The following TASP1 variants were observed in gnomAD, a reference collection of about 807,000 sequenced individuals.
TASP1 encodes threonine aspartase 1.
A neutral mutation model predicts 56.6 loss-of-function variants in TASP1; 16 were observed. The ratio of observed to expected loss-of-function variants is 0.28; its 90% CI spans 0.19 to 0.43. TASP1 has a LOEUF of 0.43. Among genes scored for constraint, TASP1 ranks in the 20% least tolerant of loss-of-function variants. The pLI is 1.00. For missense variants in TASP1, 393 were observed against 511.6 expected (o/e 0.77, Z 2.24); for synonymous variants, 179 against 184.2 (o/e 0.97, Z 0.23).
intron 11 of TASP1, among the ~76,000 whole-genome samples, chr20:13,475,403 T>C (rs2044688515): frequency 6.6e-6 from 1 of 152,172 alleles, no homozygotes; most frequent in Admixed American, 6.5e-5. Flanking sequence ...ATAAGTGCTA[T>C]AGATATTCTT....
At chr20:13,303,111 A>G in the TASP1 span, among the ~76,000 whole-genome samples, 2 of 152,178 alleles carry the variant, frequency 1.3e-5, no homozygotes, top group Non-Finnish European at 2.9e-5. Context: ...GAAGCCCAAC[A>G]AGGTTAGCTA....
At chr20:13,593,792 C>T (rs966449673) in intron 4 of TASP1, among the ~76,000 whole-genome samples, 2 of 152,244 alleles carry the variant, frequency 1.3e-5, no homozygotes, top group African/African-American at 4.8e-5. Context: ...GAACAAAAGG[C>T]AGCAGAAACT....
chr20:13,446,118 A>T (rs751872788), intron 11 of TASP1, among the ~76,000 whole-genome samples: 37 of 152,220 alleles, frequency 2.4e-4, no homozygotes, highest in Non-Finnish European at 4.6e-4. Flanking sequence ...ATGGAGGGAG[A>T]CAGTATTTTA....
the TASP1 span, among the ~76,000 whole-genome samples, chr20:13,144,561 A>G: frequency 6.6e-6 from 1 of 152,228 alleles, no homozygotes; most frequent in Non-Finnish European, 1.5e-5. Context: ...AAATTTCTTG[A>G]GGCTGAATTA....
intron 4 of TASP1, among the ~76,000 whole-genome samples, chr20:13,589,551 A>G (rs112712548): frequency 1.6e-4 from 24 of 152,340 alleles, no homozygotes; most frequent in African/African-American, 5.8e-4. Context: ...CTTGGATAAC[A>G]AAATAGTTTC....
chr20:13,387,184 A>ATTTTTTTTTTTTTTTTTTTTTT (rs779048448), downstream of TASP1, among the ~76,000 whole-genome samples: 21 of 70,706 alleles, frequency 3.0e-4, 1 homozygote, highest in African/African-American at 1.4e-3. Context: ...ACATGATTTC[A>ATTTTTTTTTTTTTTTTTTTTTT]TTTTTTTTTT....
the TASP1 span, among the ~76,000 whole-genome samples, chr20:13,113,504 C>A: frequency 6.6e-6 from 1 of 152,062 alleles, no homozygotes; most frequent in Admixed American, 6.6e-5. Context: ...AGGCTAGATA[C>A]CCAGTCTGAG....
At chr20:13,311,594 C>A in the TASP1 span, among the ~76,000 whole-genome samples, 5 of 152,042 alleles carry the variant, frequency 3.3e-5, no homozygotes, top group Admixed American at 6.5e-5. Context: ...TTATGAGATG[C>A]TAGTCAGCTT....
At chr20:13,506,274 A>G (rs574652919) in intron 10 of TASP1, among the ~76,000 whole-genome samples, 20 of 152,164 alleles carry the variant, frequency 1.3e-4, no homozygotes, top group Non-Finnish European at 2.2e-4. Context: ...CATCCAAGAA[A>G]AGCCCAGAAC....
At chr20:13,245,674 C>T in the TASP1 span, among the ~76,000 whole-genome samples, 1 of 152,174 alleles carries the variant, frequency 6.6e-6, no homozygotes, top group African/African-American at 2.4e-5. Context: ...TCCAGATTTC[C>T]TTAATTCCTT....
the TASP1 span, among the ~76,000 whole-genome samples, chr20:13,293,938 C>T: frequency 6.6e-6 from 1 of 151,568 alleles, no homozygotes; most frequent in Non-Finnish European, 1.5e-5. Flanking sequence ...CACACCATTG[C>T]ACTCCAGCTT....
intron 10 of TASP1, 138 bp from the exon 11 acceptor site, chr20:13,483,475 C>A: frequency 2.0e-6 from 1 of 497,688 alleles, no homozygotes; most frequent in Non-Finnish European, 3.5e-6. Flanking sequence ...GATGAAATGA[C>A]TTCCATGAGC....
chr20:13,453,286 C>T (rs751603413), intron 11 of TASP1, among the ~76,000 whole-genome samples: 11 of 151,934 alleles, frequency 7.2e-5, no homozygotes, highest in Non-Finnish European at 1.3e-4. Context: ...GATCTTGTGG[C>T]AAAAGAGAAG....
At chr20:13,358,023 G>C in the TASP1 span, among the ~76,000 whole-genome samples, 1 of 152,136 alleles carries the variant, frequency 6.6e-6, no homozygotes, top group Non-Finnish European at 1.5e-5. Context: ...CCCCACAAAA[G>C]AAGTGTAAAT....
the TASP1 span, among the ~76,000 whole-genome samples, chr20:13,249,520 AAACATTTAC>A: frequency 6.6e-6 from 1 of 152,208 alleles, no homozygotes. Context: ...GGCCCAAAGG[AAACATTTAC>A]AACCAAATTA....
intron 10 of TASP1, among the ~76,000 whole-genome samples, chr20:13,514,043 G>T (rs1330405318): frequency 6.6e-6 from 1 of 152,036 alleles, no homozygotes; most frequent in East Asian, 1.9e-4. Flanking sequence ...AAATTTTAAG[G>T]ACAAGAAAGA....
chr20:13,359,987 C>A, the TASP1 span, among the ~76,000 whole-genome samples: 1 of 152,144 alleles, frequency 6.6e-6, no homozygotes, highest in Non-Finnish European at 1.5e-5. Context: ...TTATCACTCG[C>A]CTGCTACAGC....
chr20:13,335,846 A>C, the TASP1 span, among the ~76,000 whole-genome samples: 7 of 152,150 alleles, frequency 4.6e-5, no homozygotes, highest in South Asian at 1.4e-3. Flanking sequence ...CAATCCAACC[A>C]CCTCCAAGAG....
At chr20:13,608,615 T>C (rs77503193) in intron 4 of TASP1, among the ~76,000 whole-genome samples, 2,829 of 152,364 alleles carry the variant, frequency 0.019, 38 homozygotes, top group Non-Finnish European at 0.031. Context: ...TACTGAGATA[T>C]GAATTTCATA....
Sources: allele counts gnomAD v4.1 joint callset (sites outside exome capture counted in the v4.1 genomes callset), GRCh38; gene constraint gnomAD v4.1.1; transcripts MANE v1.5; gene names NCBI Gene and HGNC (gene_info 2026-07-23, HGNC 2026-07-21).